Variants in SUGCT observed in about 807,000 individuals in gnomAD.
The protein encoded by SUGCT is succinyl-CoA:glutarate-CoA transferase.
In SUGCT, 41 loss-of-function variants were observed where a neutral mutation model predicts 55.0. The observed-to-expected ratio is 0.74, with a 90% CI of 0.58 to 0.97. The LOEUF is 0.97. Ranked by LOEUF, SUGCT falls within the 50% of genes least tolerant of loss-of-function variation. The pLI is 0.00. For synonymous variants in SUGCT, 187 were observed against 200.4 expected, an observed-to-expected ratio of 0.93 and a Z score of 0.56; for missense variants, 568 against 547.8, an observed-to-expected ratio of 1.04 and a Z score of -0.37.
At chr7:40,479,303 A>G (rs778204282) in intron 11 of SUGCT, among the ~76,000 whole-genome samples, 11 of 152,166 alleles carry the variant, frequency 7.2e-5, no homozygotes, top group Non-Finnish European at 1.3e-4. Context: ...TAGCGGTCCC[A>G]TAAGATTATA....
intron 12 of SUGCT, among the ~76,000 whole-genome samples, chr7:40,741,362 C>A (rs1461165661): frequency 2.0e-5 from 3 of 151,930 alleles, no homozygotes; most frequent in Non-Finnish European, 4.4e-5. Flanking sequence ...ATGCAAATTA[C>A]TATTAAGCAG....
At chr7:40,905,462 A>T in the SUGCT span, among the ~76,000 whole-genome samples, 2 of 152,324 alleles carry the variant, frequency 1.3e-5, no homozygotes, top group Non-Finnish European at 2.9e-5. Flanking sequence ...GTTTTAAAAC[A>T]ACAGAAATGT....
At chr7:40,820,977 C>A (rs905054453) in intron 13 of SUGCT, among the ~76,000 whole-genome samples, 1 of 152,078 alleles carries the variant, frequency 6.6e-6, no homozygotes. Context: ...GCATGAAGGG[C>A]TGTTGATTTT....
At chr7:40,429,351 A>G (rs1424766567) in intron 9 of SUGCT, among the ~76,000 whole-genome samples, 1 of 152,164 alleles carries the variant, frequency 6.6e-6, no homozygotes, top group Non-Finnish European at 1.5e-5. Flanking sequence ...GACATAACTA[A>G]TAGGATAGAT....
intron 10 of SUGCT, among the ~76,000 whole-genome samples, chr7:40,451,344 A>G (rs1200660997): frequency 6.6e-6 from 1 of 152,230 alleles, no homozygotes. Flanking sequence ...ATTACTGCCG[A>G]TCAAGTTAAC....
chr7:40,363,969 C>G (rs1449466371), intron 9 of SUGCT, among the ~76,000 whole-genome samples: 1 of 152,100 alleles, frequency 6.6e-6, no homozygotes, highest in Non-Finnish European at 1.5e-5. Flanking sequence ...GTAGGTCACT[C>G]AGGACTTGCT....
the SUGCT span, among the ~76,000 whole-genome samples, chr7:40,971,710 C>T: frequency 6.6e-6 from 1 of 152,108 alleles, no homozygotes; most frequent in Admixed American, 6.5e-5. Flanking sequence ...AGGATCATGT[C>T]TAAGATGGGT....
At chr7:40,851,574 C>T (rs1204761402) in intron 13 of SUGCT, among the ~76,000 whole-genome samples, 2 of 152,098 alleles carry the variant, frequency 1.3e-5, no homozygotes, top group Admixed American at 1.3e-4. Context: ...GCAGTTGAAG[C>T]AAAAAGCCTT....
At chr7:40,617,965 T>C (rs1799089980) in intron 12 of SUGCT, among the ~76,000 whole-genome samples, 1 of 152,220 alleles carries the variant, frequency 6.6e-6, no homozygotes, top group Non-Finnish European at 1.5e-5. Flanking sequence ...GTATTTTTAC[T>C]TCACTATAAT....
chr7:40,444,709 C>G (rs1051834059), intron 9 of SUGCT, among the ~76,000 whole-genome samples: 1 of 152,112 alleles, frequency 6.6e-6, no homozygotes, highest in African/African-American at 2.4e-5. Flanking sequence ...ATTGAGTACC[C>G]TTTATTTCTT....
chr7:40,990,312 A>G, the SUGCT span, among the ~76,000 whole-genome samples: 1 of 152,234 alleles, frequency 6.6e-6, no homozygotes, highest in African/African-American at 2.4e-5. Flanking sequence ...GTGCAAAAGT[A>G]TTTGCAGAAC....
intron 12 of SUGCT, among the ~76,000 whole-genome samples, chr7:40,724,018 C>A (rs1295332196): frequency 1.3e-5 from 2 of 151,924 alleles, no homozygotes; most frequent in South Asian, 4.2e-4. Flanking sequence ...CAATTAAGAT[C>A]AGAAAAAATG....
chr7:40,138,445 C>T (rs577312877), intron 1 of SUGCT, among the ~76,000 whole-genome samples: 30 of 152,182 alleles, frequency 2.0e-4, no homozygotes, highest in Non-Finnish European at 3.5e-4. Context: ...TGAATAGTGC[C>T]GTGATAAACA....
chr7:40,162,689 T>G (rs1240505777), intron 1 of SUGCT, among the ~76,000 whole-genome samples: 2 of 152,204 alleles, frequency 1.3e-5, no homozygotes, highest in Non-Finnish European at 2.9e-5. Context: ...CATCTTGCTA[T>G]GTTGTGCTGG....
chr7:40,969,311 G>T, the SUGCT span, among the ~76,000 whole-genome samples: 1 of 152,020 alleles, frequency 6.6e-6, no homozygotes, highest in Admixed American at 6.6e-5. Flanking sequence ...TCAAATTTAC[G>T]TGTGTTCTAT....
chr7:40,823,388 T>TC (rs1792130034), intron 13 of SUGCT, among the ~76,000 whole-genome samples: 1 of 151,676 alleles, frequency 6.6e-6, no homozygotes, highest in African/African-American at 2.4e-5. Context: ...GCACTGAGAT[T>TC]TTTTTTTTCA....
intron 12 of SUGCT, among the ~76,000 whole-genome samples, chr7:40,596,188 C>G (rs2151744443): frequency 6.6e-6 from 1 of 152,196 alleles, no homozygotes; most frequent in South Asian, 2.1e-4. Context: ...ATTTAGAAAC[C>G]ATTTCTTATC....
At chr7:40,821,071 G>T (rs976771252) in intron 13 of SUGCT, among the ~76,000 whole-genome samples, 2 of 152,140 alleles carry the variant, frequency 1.3e-5, no homozygotes, top group Non-Finnish European at 2.9e-5. Context: ...TATGTTTATT[G>T]ATTTGCATAT....
the SUGCT span, among the ~76,000 whole-genome samples, chr7:40,873,322 C>T: frequency 2.6e-3 from 399 of 152,230 alleles, 3 homozygotes; most frequent in Middle Eastern, 0.014. Context: ...AGAATTTGAG[C>T]CTACAGGATG....
Sources: allele counts gnomAD v4.1 joint callset (sites outside exome capture counted in the v4.1 genomes callset), GRCh38; gene constraint gnomAD v4.1.1; transcripts MANE v1.5; gene names NCBI Gene and HGNC (gene_info 2026-07-23, HGNC 2026-07-21).